Variants in FRMD7 observed in about 807,000 individuals in gnomAD.
FRMD7 encodes the protein FERM domain-containing protein 7.
FRMD7 carries 14 observed loss-of-function variants against 44.1 expected under a neutral mutation model. The ratio of observed to expected loss-of-function variants is 0.32; its 90% CI spans 0.21 to 0.50. The LOEUF is 0.50. Ranked by LOEUF, FRMD7 falls within the 20% of genes least tolerant of loss-of-function variation. The probability of loss-of-function intolerance (pLI) is 0.99; values close to 1 mark genes in which losing one functional copy is unlikely to be tolerated. For missense variants in FRMD7, 501 were observed against 522.3 expected (o/e 0.96, Z 0.40); for synonymous variants, 212 against 187.4 (o/e 1.13, Z -1.07).
chrX:132,097,852 A>C (rs906856829), intron 3 of FRMD7, among the ~76,000 whole-genome samples: 1 of 112,738 alleles, frequency 8.9e-6, no homozygotes, highest in African/African-American at 3.2e-5. Flanking sequence ...CTTGCATTTG[A>C]AAATTAACTT....
chrX:132,086,041 G>C lies in FRMD7; in HGVS notation c.383-7C>G. 9.1e-7 allele frequency: 1 copy of C among 1,099,836 alleles called. No homozygotes were observed. Among genetic ancestry groups the C allele is most frequent in the South Asian group, 1.8e-5 (1 of 54,516 alleles). 90.6% of individuals were successfully genotyped at this position (1,099,836 alleles called of 1,213,427 possible). On this transcript the variant is annotated splice_region_variant and splice_polypyrimidine_tract_variant and intron_variant, in intron 5 of 11. Transcript: ENST00000298542. ...TGAAAGTCTCCAAGTTCTGCTGCAT[G>C]ACAGGAAAAAGACATTTTTCACATT...
chrX:132,094,004 C>T lies in FRMD7; in HGVS notation c.382+38G>A, dbSNP rs3818164. 79 of 848,160 alleles carry T rather than the reference C, an allele frequency of 9.3e-5. No individual in the cohort carries two copies. In the East Asian group the frequency reaches 2.4e-3, roughly 25 times the overall value. 69.9% of individuals were successfully genotyped at this position (848,160 alleles called of 1,213,427 possible). ...CTCCTGTGCTTGGTTCTCTACCTGG[C>T]TGATAGGTCCCAAAGCAGACAGACA... On this transcript the variant is annotated intron_variant, in intron 5 of 11. Coordinates refer to ENST00000298542, the MANE Select transcript of FRMD7 (RefSeq NM_194277.3).
intron 5 of FRMD7, among the ~76,000 whole-genome samples, chrX:132,087,867 C>T (rs1464038646): frequency 1.8e-5 from 2 of 110,928 alleles, no homozygotes; most frequent in East Asian, 5.6e-4. Context: ...TTGAATTTAT[C>T]TCAGGATTGC....
chrX:132,117,394 A>C (rs1191181530), intron 1 of FRMD7, among the ~76,000 whole-genome samples: 1 of 112,164 alleles, frequency 8.9e-6, no homozygotes, highest in African/African-American at 3.2e-5. Context: ...AATAAAAATT[A>C]TATGTATTTA....
intron 8 of FRMD7, among the ~76,000 whole-genome samples, chrX:132,083,618 A>G (rs1306969021): frequency 5.3e-5 from 6 of 112,172 alleles, no homozygotes; most frequent in Admixed American, 4.7e-4. Flanking sequence ...GATCTTCAGT[A>G]GGTCAAAAAT....
rs765456453 is a variant in FRMD7 at position 132,081,014 on chromosome X, C to A, written c.906-748G>T. On this transcript the variant is annotated intron_variant, in intron 9 of 11. Coordinates refer to ENST00000298542, the MANE Select transcript of FRMD7 (RefSeq NM_194277.3). Reference sequence around the variant, plus strand: ...ACTAACAAAGAAAGTCAGATCACAGCCGGGAGAAACATAAAAATCAAAAAA... The same window carrying A: ...ACTAACAAAGAAAGTCAGATCACAGACGGGAGAAACATAAAAATCAAAAAA... Among the ~76,000 whole-genome samples, 6 of 97,704 alleles carry A rather than the reference C, an allele frequency of 6.1e-5. No individual in the cohort carries two copies. In the South Asian group the frequency reaches 2.6e-3, roughly 43 times the overall value. 84.8% of individuals were successfully genotyped at this position (97,704 alleles called of 115,157 possible).
At chrX:132,102,242 G>A (rs1475587161) in intron 1 of FRMD7, among the ~76,000 whole-genome samples, 2 of 111,239 alleles carry the variant, frequency 1.8e-5, no homozygotes, top group East Asian at 5.6e-4. Flanking sequence ...TCTCTACTTG[G>A]TTTTACTGCC....
At chrX:132,115,013 C>A (rs908197820) in intron 1 of FRMD7, among the ~76,000 whole-genome samples, 1 of 112,647 alleles carries the variant, frequency 8.9e-6, no homozygotes, top group Admixed American at 9.4e-5. Flanking sequence ...TGACCGATCA[C>A]CACATATGTC....
intron 8 of FRMD7, among the ~76,000 whole-genome samples, chrX:132,083,660 G>T (rs1036419112): frequency 8.9e-6 from 1 of 112,121 alleles, no homozygotes; most frequent in African/African-American, 3.2e-5. Flanking sequence ...TTTCTTTATG[G>T]TCATAAGAAA....
chrX:132,127,920 G>T lies in FRMD7; in HGVS notation c.-76C>A, dbSNP rs1929195383. 21 of 870,320 alleles carry T rather than the reference G, an allele frequency of 2.4e-5. No individual in the cohort carries two copies. The East Asian group carries it at 6.5e-4, about 27-fold the overall frequency. 71.7% of individuals were successfully genotyped at this position (870,320 alleles called of 1,213,427 possible). On this transcript the variant is annotated 5_prime_UTR_variant, in exon 1 of 12. Coordinates refer to ENST00000298542, the MANE Select transcript of FRMD7 (RefSeq NM_194277.3). Reference sequence around the variant, plus strand: ...TTCTCCAGGAATTTCACTCCCAGCTGGATGTGGTGCACTCGGGCCCCCCCA... The same window carrying T: ...TTCTCCAGGAATTTCACTCCCAGCTTGATGTGGTGCACTCGGGCCCCCCCA...
chrX:132,078,709 A>AC lies in FRMD7; in HGVS notation c.1307_1308insG (p.Ile436MetfsTer16). The AC allele has an allele frequency of 8.3e-7, 1 of 1,211,335 alleles. No individual in the cohort carries two copies. The highest frequency in any genetic ancestry group is 1.1e-6 in the Non-Finnish European group (1 of 895,129). On this transcript the variant is annotated frameshift_variant, in exon 12 of 12. Transcript: ENST00000298542. LOFTEE classifies it high-confidence loss of function. The stretch of plus-strand genomic sequence containing the variant: ...AGCTTAGAGAACTCCTCTCTGAAAA[A>AC]ATGTCTCTGGGATCAGGGTTAGGAT...
rs779384901 is a variant in FRMD7, at chrX:132,086,675, C to A, written c.383-641G>T. ...AAAGGCCTCAGGAAAAAAAAAAAAA[C>A]AACTGCTGACAGCTTATCTTGGACA... On this transcript the variant is annotated intron_variant, in intron 5 of 11. Coordinates refer to ENST00000298542, the MANE Select transcript of FRMD7 (RefSeq NM_194277.3). 8.6e-3 allele frequency among the ~76,000 whole-genome samples: 887 copies of A among 103,457 alleles called. 9 individuals are homozygous for A. The highest frequency in any genetic ancestry group is 0.032 in the African/African-American group (841 of 26,607). The allele number at this position is 103,457 out of a possible 115,157, so 89.8% of individuals were successfully genotyped here. A position where few individuals can be genotyped will look rare whatever the true frequency, so the allele number is the denominator to read the frequency against.
At chrX:132,103,072 C>T (rs1195884272) in intron 1 of FRMD7, among the ~76,000 whole-genome samples, 3 of 111,894 alleles carry the variant, frequency 2.7e-5, no homozygotes, top group Non-Finnish European at 5.6e-5. Context: ...GTGGCTCAAG[C>T]TTTCCACCCC....
rs776536105 is a variant in FRMD7, at chrX:132,100,682, C to T, written c.92G>A (p.Ser31Asn). 3 of 1,205,954 alleles carry T rather than the reference C, an allele frequency of 2.5e-6. No homozygotes were observed. In the African/African-American group the frequency reaches 5.3e-5, roughly 21 times the overall value. Residue 31 changes from serine to asparagine, a missense_variant, in exon 2 of 12, where the codon AGT becomes AAT. Physicochemically the swap from Ser to Asn is conservative, Grantham distance 46. Around this residue, in one of 3 missense-constraint regions of FRMD7, gnomAD observed 24 missense variants for 21.6 expected, o/e 1.11. Coordinates refer to ENST00000298542, the MANE Select transcript of FRMD7 (RefSeq NM_194277.3). ...KSSGKALFNL[S>N]CSHLNLAEKE... ...TTCAGCAAGATTTAGATGGCTGCAA[C>T]TCAGGTTAAACAATGCCTTCCCGGA...
Position 132,097,212 on chromosome X carries a change from A to G in FRMD7, c.284+54T>C, listed in dbSNP as rs1013123119. 1.7e-5 allele frequency: 15 copies of G among 876,317 alleles called. No homozygotes were observed. The South Asian group carries it at 2.0e-4, about 12-fold the overall frequency. The allele number at this position is 876,317 out of a possible 1,213,427, so 72.2% of individuals were successfully genotyped here. ...AGAAGCACTTGCCCCCAATAAATGGAGAATAATGATTCTTAAGTAACATCA... is the reference window on the plus strand; with the variant it reads ...AGAAGCACTTGCCCCCAATAAATGGGGAATAATGATTCTTAAGTAACATCA... On this transcript the variant is annotated intron_variant, in intron 4 of 11. Coordinates refer to ENST00000298542, the MANE Select transcript of FRMD7 (RefSeq NM_194277.3).
intron 1 of FRMD7, among the ~76,000 whole-genome samples, chrX:132,102,291 C>G (rs1257231079): frequency 8.9e-6 from 1 of 111,943 alleles, no homozygotes; most frequent in Non-Finnish European, 1.9e-5. Flanking sequence ...GGGTTAACCC[C>G]AGTCCGATTT....
intron 7 of FRMD7, among the ~76,000 whole-genome samples, chrX:132,085,290 G>A (rs1304067395): frequency 9.0e-6 from 1 of 111,571 alleles, no homozygotes; most frequent in African/African-American, 3.3e-5. Context: ...ATCTATTCGC[G>A]TGGTCTGAAA....
intron 5 of FRMD7, among the ~76,000 whole-genome samples, chrX:132,087,145 C>G (rs901399996): frequency 2.7e-5 from 3 of 111,735 alleles, no homozygotes; most frequent in African/African-American, 6.5e-5. Flanking sequence ...AATTTGTATG[C>G]CTTTTTCCTC....
intron 5 of FRMD7, among the ~76,000 whole-genome samples, chrX:132,087,799 G>A (rs1161325852): frequency 9.0e-6 from 1 of 111,307 alleles, no homozygotes; most frequent in Non-Finnish European, 1.9e-5. Context: ...CAAAAATTCT[G>A]AACAAAACAC....
Sources: allele counts gnomAD v4.1 joint callset (sites outside exome capture counted in the v4.1 genomes callset), GRCh38; gene constraint gnomAD v4.1.1; regional missense constraint gnomAD v4.1.1; transcripts MANE v1.5; gene names NCBI Gene and HGNC (gene_info 2026-07-23, HGNC 2026-07-21).